The following EYS variants were observed in gnomAD, a reference collection of about 807,000 sequenced individuals.
EYS encodes EGF-like photoreceptor maintenance factor.
EYS carries 250 observed loss-of-function variants against 282.1 expected under a neutral mutation model. The ratio of observed to expected loss-of-function variants is 0.89; its 90% CI spans 0.80 to 0.98. EYS has a LOEUF of 0.98. EYS is among the 50% of genes least tolerant of loss of function. The pLI, the probability that EYS is intolerant of heterozygous loss-of-function variation, is 0.00. For missense variants in EYS, 4,016 were observed against 3,709.0 expected (o/e 1.08, Z -2.15); for synonymous variants, 1,355 against 1,282.9 (o/e 1.06, Z -1.20).
chr6:65,701,553 C>T (rs1472790013), intron 1 of EYS, among the ~76,000 whole-genome samples: 1 of 152,168 alleles, frequency 6.6e-6, no homozygotes, highest in African/African-American at 2.4e-5. Context: ...TTAACTTGCA[C>T]TGCAATGCTT....
intron 31 of EYS, among the ~76,000 whole-genome samples, chr6:64,104,747 CTT>C (rs11374423): frequency 2.4e-4 from 32 of 133,546 alleles, no homozygotes; most frequent in Admixed American, 3.0e-4. Flanking sequence ...TTCTGGCAAG[CTT>C]TTTTTTTTTT....
chr6:65,164,394 A>G (rs757436225), intron 12 of EYS, among the ~76,000 whole-genome samples: 3 of 150,612 alleles, frequency 2.0e-5, no homozygotes, highest in Non-Finnish European at 3.0e-5. Flanking sequence ...TAATTCTACG[A>G]TTATACTTTT....
intron 13 of EYS, among the ~76,000 whole-genome samples, chr6:65,008,209 G>A (rs1561917822): frequency 6.6e-6 from 1 of 152,174 alleles, no homozygotes; most frequent in Non-Finnish European, 1.5e-5. Flanking sequence ...ACGGGGAAAG[G>A]AAGAAAATCC....
intron 8 of EYS, among the ~76,000 whole-genome samples, chr6:65,363,197 CT>C (rs34228999): frequency 0.67 from 101,258 of 150,374 alleles, 34,391 homozygotes; most frequent in South Asian, 0.71. Context: ...TATTAAAACT[CT>C]TTTTTTTTGC....
At chr6:64,556,811 G>A (rs1765247455) in intron 26 of EYS, among the ~76,000 whole-genome samples, 1 of 151,742 alleles carries the variant, frequency 6.6e-6, no homozygotes, top group Admixed American at 6.6e-5. Flanking sequence ...TCTTCATATT[G>A]GCCTGTTATC....
At chr6:65,098,021 T>C (rs1333020075) in intron 12 of EYS, among the ~76,000 whole-genome samples, 2 of 150,774 alleles carry the variant, frequency 1.3e-5, no homozygotes, top group African/African-American at 4.8e-5. Context: ...CTTTTGTTTT[T>C]AATTTCCACT....
chr6:65,513,641 C>A (rs1376164670), intron 2 of EYS, among the ~76,000 whole-genome samples: 2 of 152,120 alleles, frequency 1.3e-5, no homozygotes, highest in Non-Finnish European at 2.9e-5. Flanking sequence ...TCAATATATG[C>A]AAATCAATAA....
chr6:64,049,517 A>T (rs9359742), intron 33 of EYS, among the ~76,000 whole-genome samples: 32,175 of 152,056 alleles, frequency 0.21, 3,630 homozygotes, highest in Middle Eastern at 0.34. Flanking sequence ...TTCCCATTGG[A>T]TTGAATTTAG....
At chr6:64,435,232 A>G (rs902192353) in intron 28 of EYS, among the ~76,000 whole-genome samples, 1 of 152,138 alleles carries the variant, frequency 6.6e-6, no homozygotes, top group African/African-American at 2.4e-5. Flanking sequence ...GTTCATGTTC[A>G]TTTTGAGTAT....
chr6:65,444,589 C>G (rs1451942418), intron 5 of EYS, among the ~76,000 whole-genome samples: 2 of 150,492 alleles, frequency 1.3e-5, no homozygotes. Flanking sequence ...ATTTCTAATC[C>G]TCCTTTTAAA....
At chr6:64,043,891 C>A (rs934640328) in intron 33 of EYS, among the ~76,000 whole-genome samples, 2 of 152,176 alleles carry the variant, frequency 1.3e-5, no homozygotes, top group African/African-American at 4.8e-5. Flanking sequence ...GCCACCATTA[C>A]TGTTCCCCTT....
chr6:65,246,574 G>A (rs948029798), intron 12 of EYS, among the ~76,000 whole-genome samples: 9 of 152,068 alleles, frequency 5.9e-5, no homozygotes, highest in African/African-American at 2.2e-4. Flanking sequence ...TGGGAAAAGA[G>A]CCCCCCATAG....
chr6:63,961,252 T>C (rs928982696), intron 35 of EYS, among the ~76,000 whole-genome samples: 1 of 152,098 alleles, frequency 6.6e-6, no homozygotes, highest in African/African-American at 2.4e-5. Context: ...CACGTATACA[T>C]CTAGATGGCC....
chr6:64,859,612 C>T (rs1323409067), intron 19 of EYS, among the ~76,000 whole-genome samples: 1 of 152,130 alleles, frequency 6.6e-6, no homozygotes. Context: ...AAGATCTGAT[C>T]ATTTTAAAGA....
At chr6:65,144,796 T>C (rs1001826501) in intron 12 of EYS, among the ~76,000 whole-genome samples, 1 of 151,662 alleles carries the variant, frequency 6.6e-6, no homozygotes, top group African/African-American at 2.4e-5. Context: ...ATGGAGTCTC[T>C]GTCACCCAGG....
intron 28 of EYS, among the ~76,000 whole-genome samples, chr6:64,393,545 A>C (rs561819020): frequency 6.6e-6 from 1 of 152,260 alleles, no homozygotes; most frequent in East Asian, 1.9e-4. Flanking sequence ...TGATTATCTC[A>C]ATAGATGCAG....
At chr6:64,080,995 C>A (rs1771947033) in intron 32 of EYS, among the ~76,000 whole-genome samples, 1 of 151,840 alleles carries the variant, frequency 6.6e-6, no homozygotes, top group African/African-American at 2.4e-5. Flanking sequence ...TAGCGTGATG[C>A]CTCCAGCTTT....
intron 29 of EYS, among the ~76,000 whole-genome samples, chr6:64,367,831 C>G (rs1018831075): frequency 6.6e-6 from 1 of 152,030 alleles, no homozygotes; most frequent in Non-Finnish European, 1.5e-5. Flanking sequence ...AAGGTTAGAT[C>G]TTGTGCCACT....
chr6:64,612,443 A>C (rs1449793210), intron 24 of EYS, among the ~76,000 whole-genome samples: 1 of 152,132 alleles, frequency 6.6e-6, no homozygotes, highest in Middle Eastern at 3.2e-3. Context: ...TGAATTCTTA[A>C]GCAAGTTTAG....
Sources: allele counts gnomAD v4.1 joint callset (sites outside exome capture counted in the v4.1 genomes callset), GRCh38; gene constraint gnomAD v4.1.1; transcripts MANE v1.5; gene names NCBI Gene and HGNC (gene_info 2026-07-23, HGNC 2026-07-21).